The following SLC2A11 variants were observed in gnomAD, a reference collection of about 807,000 sequenced individuals.
SLC2A11 encodes the protein solute carrier family 2 member 11, also known as solute carrier family 2, facilitated glucose transporter member 11.
A neutral mutation model predicts 52.1 loss-of-function variants in SLC2A11; 43 were observed. That is an observed-to-expected ratio of 0.82 (90% CI 0.65 to 1.06). The LOEUF is 1.06. Ranked by LOEUF, SLC2A11 falls within the 50% of genes least tolerant of loss-of-function variation. The probability of loss-of-function intolerance (pLI) is 0.00; values close to 1 mark genes in which losing one functional copy is unlikely to be tolerated. For missense variants in SLC2A11, 582 were observed against 654.2 expected, an observed-to-expected ratio of 0.89 and a Z score of 1.20; for synonymous variants, 261 against 277.6, an observed-to-expected ratio of 0.94 and a Z score of 0.59.
chr22:23,883,263 G>A (rs998860613), intron 8 of SLC2A11: 1 of 349,852 alleles, frequency 2.9e-6, no homozygotes, highest in Non-Finnish European at 5.5e-6. Flanking sequence ...GTGGGATCAG[G>A]AGTTGGAGAC....
chr22:23,885,188 T>C lies in SLC2A11; in HGVS notation c.*339T>C, dbSNP rs2032962590. On this transcript the variant is annotated 3_prime_UTR_variant, in exon 12 of 12. Coordinates refer to ENST00000316185, the MANE Select transcript of SLC2A11 (RefSeq NM_001024939.4). ...GTAACATAGTGAGACCCCCTATCTC[T>C]ACAAAAAATTTTAAACATTAGCTGG... The C allele has an allele frequency of 4.6e-6, 2 of 436,404 alleles. No homozygotes were observed. The allele number at this position is 436,404 out of a possible 1,614,324, so 27.0% of individuals were successfully genotyped here.
At position 23,877,830 on chromosome 22, in the gene SLC2A11, C is replaced by G. The variant is rs999126263; in HGVS notation, c.655C>G (p.Leu219Val). The change falls in exon 6 of 12, where the codon CTC (leucine) becomes GTC (valine). Residue 219 changes from leucine to valine, a missense_variant. By Grantham distance (32) the Leu-to-Val change is conservative. Transcript: ENST00000316185. ...TCTGCTCCCTGAAAGCCCGCGCTAC[C>G]TCCTCATTGACTGTGGAGACACCGA... ...LPLLPESPRY[L>V]LIDCGDTEAC... The G allele has an allele frequency of 1.2e-6, 2 of 1,613,670 alleles. No individual in the cohort carries two copies. Among genetic ancestry groups the G allele is most frequent in the Non-Finnish European group, 8.5e-7 (1 of 1,179,818 alleles).
chr22:23,873,365 G>A (rs1193155531), intron 3 of SLC2A11: 3 of 151,378 alleles, frequency 2.0e-5, no homozygotes, highest in Non-Finnish European at 4.4e-5. Context: ...GGAGCACAGT[G>A]CAAGACCTTG....
chr22:23,873,434 C>T (rs1273536846), intron 3 of SLC2A11, among the ~76,000 whole-genome samples: 1 of 151,682 alleles, frequency 6.6e-6, no homozygotes, highest in Admixed American at 6.6e-5. Context: ...CTCAGCCTCC[C>T]CACTACCTGG....
chr22:23,868,394 A>G lies in SLC2A11; in HGVS notation c.130-87A>G. On this transcript the variant is annotated intron_variant, in intron 2 of 11. Transcript: ENST00000316185. ...TTGTCATTGCCTGTTCTGCAGAGGC[A>G]TGGAGCCCTGTTGGGGAGAAGGCTT... The G allele has an allele frequency of 2.6e-6, 4 of 1,520,700 alleles. No individual in the cohort carries two copies. The South Asian group carries it at 4.8e-5, about 18-fold the overall frequency. 94.2% of individuals were successfully genotyped at this position (1,520,700 alleles called of 1,614,324 possible).
At chr22:23,869,997 A>G (rs754701511) in intron 3 of SLC2A11, 2 of 717,614 alleles carry the variant, frequency 2.8e-6, no homozygotes, top group East Asian at 2.7e-5. Context: ...GGCCTAATCA[A>G]TCTCCCAAAG....
At chr22:23,877,268 G>A (rs2032647155) in intron 5 of SLC2A11, 97 bp downstream of exon 5, 4 of 1,564,612 alleles carry the variant, frequency 2.6e-6, no homozygotes, top group Non-Finnish European at 3.5e-6. Flanking sequence ...GTAGATTAAA[G>A]CATTATTGCT....
chr22:23,878,394 C>T lies in SLC2A11; in HGVS notation c.694+525C>T, dbSNP rs180768283. Among the ~76,000 whole-genome samples the T allele has an allele frequency of 2.9e-3, 445 of 152,244 alleles. 3 individuals are homozygous for T. The highest frequency in any genetic ancestry group is 9.9e-3 in the African/African-American group (412 of 41,540). On this transcript the variant is annotated intron_variant, in intron 6 of 11. Transcript: ENST00000316185. ...TGGTGAGGTTCAGCTGCTGGTTGGCCGGTCTAGGCTGGTCTGGACTGGAGC... is the reference window on the plus strand; with the variant it reads ...TGGTGAGGTTCAGCTGCTGGTTGGCTGGTCTAGGCTGGTCTGGACTGGAGC...
chr22:23,884,625 C>T lies in SLC2A11; in HGVS notation c.1300-24C>T. 10 of 1,604,510 alleles carry T rather than the reference C, an allele frequency of 6.2e-6. No individual in the cohort carries two copies. Among genetic ancestry groups the T allele is most frequent in the Non-Finnish European group, 8.5e-6 (10 of 1,175,160 alleles). On this transcript the variant is annotated intron_variant, in intron 11 of 11. Transcript: ENST00000316185. The surrounding 1 kb of genome is among the most constrained non-coding windows in gnomAD (Gnocchi z 4.3). Reference sequence around the variant, plus strand: ...AGGGGTTGATGGAGACACACCAGGTCTTGGGGTCTTTTTTAATCCGCAGGA... The same window carrying T: ...AGGGGTTGATGGAGACACACCAGGTTTTGGGGTCTTTTTTAATCCGCAGGA...
In SLC2A11 at chr22:23,857,971, C is replaced by T. The variant is rs772047628; in HGVS notation, c.-29C>T. 6.3e-7 allele frequency: 1 copy of T among 1,591,890 alleles called. No homozygotes were observed. The highest frequency in any genetic ancestry group is 1.1e-5 in the South Asian group (1 of 87,416). ...GGCAGCCGGGGTCTCCCTGGGACAG[C>T]AAGACCTCCGCTCAGGCCCCTCTTT... On this transcript the variant is annotated 5_prime_UTR_variant, in exon 1 of 12. It introduces an in-frame stop codon into an upstream open reading frame of the 5' UTR. Transcript: ENST00000316185.
intron 1 of SLC2A11, among the ~76,000 whole-genome samples, chr22:23,860,999 C>G (rs1396756112): frequency 1.3e-5 from 2 of 151,972 alleles, no homozygotes; most frequent in African/African-American, 4.8e-5. Flanking sequence ...GTGCCCGCCA[C>G]CACGCCTGGC....
chr22:23,863,874 G>A (rs1192482730), intron 2 of SLC2A11, among the ~76,000 whole-genome samples: 1 of 151,936 alleles, frequency 6.6e-6, no homozygotes, highest in African/African-American at 2.4e-5. Context: ...GAAGTGGTCC[G>A]CCCACCTCGG....
At chr22:23,857,637 C>CA, upstream of SLC2A11, 1 of 1,157,988 alleles carries the variant, frequency 8.6e-7, no homozygotes, top group Non-Finnish European at 1.2e-6. Context: ...CCAGCACCCC[C>CA]AGCCCTTCTT....
chr22:23,878,211 G>C (rs530388325), intron 6 of SLC2A11, among the ~76,000 whole-genome samples: 1 of 152,298 alleles, frequency 6.6e-6, no homozygotes, highest in South Asian at 2.1e-4. Context: ...AGTTAACTTT[G>C]GCTACAGTAA....
intron 5 of SLC2A11, 93 bp from the exon 6 acceptor site, chr22:23,877,628 T>G: frequency 6.2e-6 from 9 of 1,443,444 alleles, no homozygotes; most frequent in Non-Finnish European, 8.4e-6. Context: ...AATTGCAGAC[T>G]CCCTGCAGGG....
intron 2 of SLC2A11, among the ~76,000 whole-genome samples, chr22:23,864,855 C>T (rs948641150): frequency 6.6e-6 from 1 of 152,120 alleles, no homozygotes; most frequent in African/African-American, 2.4e-5. Context: ...TGCCTGTAAT[C>T]CCAGCACTTT....
chr22:23,857,060 A>T, upstream of SLC2A11: 1 of 598,108 alleles, frequency 1.7e-6, no homozygotes. Context: ...ACCTGAACCA[A>T]AGTGTGTGTG....
intron 6 of SLC2A11, 86 bp downstream of exon 6, chr22:23,877,955 T>C: frequency 7.0e-7 from 1 of 1,433,728 alleles, no homozygotes; most frequent in Non-Finnish European, 9.3e-7. Context: ...TTCATAGGTT[T>C]CATTTATCAA....
At chr22:23,873,867 C>G (rs1489551383) in intron 3 of SLC2A11, among the ~76,000 whole-genome samples, 3 of 152,196 alleles carry the variant, frequency 2.0e-5, no homozygotes, top group Non-Finnish European at 2.9e-5. Flanking sequence ...TCTCTAGACA[C>G]AAGAGACCTA....
Sources: allele counts gnomAD v4.1 joint callset (sites outside exome capture counted in the v4.1 genomes callset), GRCh38; gene constraint gnomAD v4.1.1; non-coding constraint Gnocchi (gnomAD v3.1); transcripts MANE v1.5; gene names NCBI Gene and HGNC (gene_info 2026-07-23, HGNC 2026-07-21).